Variants in SRD5A2 observed in about 807,000 individuals in gnomAD.
SRD5A2 encodes 3-oxo-5-alpha-steroid 4-dehydrogenase 2.
A neutral mutation model predicts 27.4 loss-of-function variants in SRD5A2; 30 were observed. The ratio of observed to expected loss-of-function variants is 1.10; its 90% confidence interval spans 0.82 to 1.49. SRD5A2 has a LOEUF of 1.49. Among genes scored for constraint, SRD5A2 ranks in the 40% most tolerant of loss-of-function variants. SRD5A2 has a pLI of 0.00. For missense variants in SRD5A2, 348 were observed against 323.4 expected (o/e 1.08, Z -0.58); for synonymous variants, 141 against 133.6 (o/e 1.06, Z -0.38).
the SRD5A2 span, among the ~76,000 whole-genome samples, chr2:31,625,301 T>C: frequency 6.6e-6 from 1 of 152,228 alleles, no homozygotes; most frequent in Non-Finnish European, 1.5e-5. Flanking sequence ...TTTGTCCCAT[T>C]CTGTAGGTTG....
intron 1 of SRD5A2, among the ~76,000 whole-genome samples, chr2:31,560,061 C>T (rs965097920): frequency 2.7e-5 from 4 of 148,074 alleles, no homozygotes; most frequent in Non-Finnish European, 6.0e-5. Flanking sequence ...CCAATCCCCC[C>T]CCCCCCCTTT....
intron 1 of SRD5A2, among the ~76,000 whole-genome samples, chr2:31,546,569 T>C (rs1399099507): frequency 6.6e-6 from 1 of 152,134 alleles, no homozygotes; most frequent in East Asian, 1.9e-4. Context: ...TTCTCACTTA[T>C]AAGTAGGAGC....
intron 1 of SRD5A2, among the ~76,000 whole-genome samples, chr2:31,567,454 G>GTA (rs575917234): frequency 6.5e-5 from 6 of 91,978 alleles, no homozygotes; most frequent in African/African-American, 1.7e-4. Context: ...GTGTGTGTGT[G>GTA]TGTATATATA....
chr2:31,571,772 C>T (rs564149983), intron 1 of SRD5A2, among the ~76,000 whole-genome samples: 2 of 152,248 alleles, frequency 1.3e-5, no homozygotes, highest in East Asian at 3.9e-4. Context: ...AAAAAATGCT[C>T]GGCATCACTA....
the SRD5A2 span, among the ~76,000 whole-genome samples, chr2:31,614,380 A>G: frequency 6.6e-6 from 1 of 152,202 alleles, no homozygotes. Context: ...CATATCTCAC[A>G]TCTAGGTCAT....
At chr2:31,647,490 T>A in the SRD5A2 span, among the ~76,000 whole-genome samples, 15 of 152,232 alleles carry the variant, frequency 9.9e-5, no homozygotes, top group Non-Finnish European at 1.9e-4. Context: ...GTTTAAGACA[T>A]ATGGTGGTTT....
the SRD5A2 span, among the ~76,000 whole-genome samples, chr2:31,637,088 A>G: frequency 6.6e-6 from 1 of 152,118 alleles, no homozygotes; most frequent in Non-Finnish European, 1.5e-5. Context: ...TAAGCAGTGA[A>G]GCCATCTGGT....
intron 1 of SRD5A2, among the ~76,000 whole-genome samples, chr2:31,539,245 C>T (rs964488427): frequency 1.3e-5 from 2 of 152,142 alleles, no homozygotes; most frequent in African/African-American, 4.8e-5. Flanking sequence ...CATTTTGCCT[C>T]ATATATTCCA....
chr2:31,559,040 C>T (rs1261876821), intron 1 of SRD5A2, among the ~76,000 whole-genome samples: 1 of 152,194 alleles, frequency 6.6e-6, no homozygotes, highest in Non-Finnish European at 1.5e-5. Context: ...TCCAGTTCTA[C>T]CTCTGAACTT....
chr2:31,616,251 G>T, the SRD5A2 span, among the ~76,000 whole-genome samples: 1 of 152,172 alleles, frequency 6.6e-6, no homozygotes, highest in Non-Finnish European at 1.5e-5. Flanking sequence ...GGGAATGTAG[G>T]GTTGAAGCCC....
chr2:31,627,950 T>C, the SRD5A2 span, among the ~76,000 whole-genome samples: 7 of 152,266 alleles, frequency 4.6e-5, no homozygotes, highest in African/African-American at 1.7e-4. Flanking sequence ...GTATATTCTG[T>C]TGTTTGGGGG....
At chr2:31,629,546 T>C in the SRD5A2 span, among the ~76,000 whole-genome samples, 1 of 152,106 alleles carries the variant, frequency 6.6e-6, no homozygotes, top group African/African-American at 2.4e-5. Context: ...TGTGAGGCTA[T>C]CTGGGAAAGG....
the SRD5A2 span, among the ~76,000 whole-genome samples, chr2:31,638,171 A>T: frequency 6.6e-6 from 1 of 151,876 alleles, no homozygotes; most frequent in Non-Finnish European, 1.5e-5. Flanking sequence ...TTTCTTCTCA[A>T]TTTCTTTATT....
intron 2 of SRD5A2, among the ~76,000 whole-genome samples, chr2:31,533,145 A>G (rs191741768): frequency 8.5e-5 from 13 of 152,212 alleles, no homozygotes; most frequent in East Asian, 1.9e-4. Flanking sequence ...TCTTTTTCCA[A>G]TGTGGTCCAG....
the SRD5A2 span, among the ~76,000 whole-genome samples, chr2:31,613,587 AT>A: frequency 6.6e-6 from 1 of 152,196 alleles, no homozygotes; most frequent in Admixed American, 6.5e-5. Context: ...TATTATAGGC[AT>A]TTTGGAAAGT....
chr2:31,526,104 C>CATATATA lies in SRD5A2; in HGVS notation c.*91_*92insTATATAT. On this transcript the variant is annotated 3_prime_UTR_variant, in exon 5 of 5. Coordinates refer to ENST00000622030, the MANE Select transcript of SRD5A2 (RefSeq NM_000348.4). ...CAGGAGACCTACTATTACATATATA[C>CATATATA]GGGACTATTATATCATGAAAATTAC... 1 of 795,662 alleles carries CATATATA rather than the reference C, an allele frequency of 1.3e-6. No individual in the cohort carries two copies. Among genetic ancestry groups the CATATATA allele is most frequent in the Non-Finnish European group, 2.0e-6 (1 of 493,562 alleles). 49.3% of individuals were successfully genotyped at this position (795,662 alleles called of 1,614,324 possible). A position where few individuals can be genotyped will look rare whatever the true frequency, so the allele number is the denominator to read the frequency against.
the SRD5A2 span, among the ~76,000 whole-genome samples, chr2:31,618,240 T>A: frequency 0.017 from 2,562 of 152,172 alleles, 39 homozygotes; most frequent in South Asian, 0.043. Context: ...TGTCCCCATG[T>A]TTCAATTATC....
At chr2:31,623,021 T>C in the SRD5A2 span, among the ~76,000 whole-genome samples, 1 of 152,136 alleles carries the variant, frequency 6.6e-6, no homozygotes, top group Non-Finnish European at 1.5e-5. Context: ...CATGTAGTTG[T>C]AAGAGGATCA....
chr2:31,568,358 G>T (rs1666779689), intron 1 of SRD5A2, among the ~76,000 whole-genome samples: 1 of 152,168 alleles, frequency 6.6e-6, no homozygotes, highest in Non-Finnish European at 1.5e-5. Flanking sequence ...CGGGAACAAT[G>T]AGGTACGCAA....
Sources: allele counts gnomAD v4.1 joint callset (sites outside exome capture counted in the v4.1 genomes callset), GRCh38; gene constraint gnomAD v4.1.1; transcripts MANE v1.5; gene names NCBI Gene and HGNC (gene_info 2026-07-23, HGNC 2026-07-21).